Variants in GUCY1A2 observed in about 807,000 individuals in gnomAD.
GUCY1A2 encodes the protein guanylate cyclase soluble subunit alpha-2.
Under a neutral mutation model 63.5 loss-of-function variants are expected in GUCY1A2, and 27 were observed. The ratio of observed to expected loss-of-function variants is 0.43; its 90% CI spans 0.31 to 0.59. The LOEUF (loss-of-function observed/expected upper bound fraction) is 0.59, where lower values mean the gene tolerates loss of function less well. Ranked by LOEUF, GUCY1A2 falls within the 20% of genes least tolerant of loss-of-function variation. The pLI, the probability that GUCY1A2 is intolerant of heterozygous loss-of-function variation, is 0.11. For synonymous variants in GUCY1A2, 364 were observed against 343.5 expected (o/e 1.06, Z -0.66); for missense variants, 768 against 913.3 (o/e 0.84, Z 2.05).
intron 4 of GUCY1A2, among the ~76,000 whole-genome samples, chr11:106,895,853 C>T (rs923650714): frequency 1.3e-5 from 2 of 151,664 alleles, no homozygotes; most frequent in African/African-American, 2.4e-5. Flanking sequence ...AAATTATTAA[C>T]AAAATAGATT....
chr11:106,709,361 AATAT>A (rs1182765969), intron 6 of GUCY1A2, among the ~76,000 whole-genome samples: 5 of 89,854 alleles, frequency 5.6e-5, no homozygotes, highest in Non-Finnish European at 1.0e-4. Context: ...TATTTTATAT[AATAT>A]ATATAAATTA....
At chr11:106,804,855 T>C (rs913097378) in intron 5 of GUCY1A2, among the ~76,000 whole-genome samples, 1 of 152,196 alleles carries the variant, frequency 6.6e-6, no homozygotes, top group Non-Finnish European at 1.5e-5. Flanking sequence ...CCCATATTTA[T>C]ACTTTCTATC....
chr11:106,763,850 G>T (rs555607266), intron 6 of GUCY1A2, among the ~76,000 whole-genome samples: 1 of 151,890 alleles, frequency 6.6e-6, no homozygotes, highest in Admixed American at 6.6e-5. Flanking sequence ...AGTGCTTTTC[G>T]TTACGTAAAT....
At chr11:106,846,198 A>T (rs1429378539) in intron 4 of GUCY1A2, among the ~76,000 whole-genome samples, 1 of 143,996 alleles carries the variant, frequency 6.9e-6, no homozygotes, top group Non-Finnish European at 1.6e-5. Flanking sequence ...AATTGGGAAA[A>T]TGTGAATATA....
chr11:106,870,878 A>G (rs1859667839), intron 4 of GUCY1A2, among the ~76,000 whole-genome samples: 1 of 152,158 alleles, frequency 6.6e-6, no homozygotes, highest in South Asian at 2.1e-4. Context: ...ATTCAGTGCT[A>G]TGGAAAACTT....
At chr11:106,783,778 C>T (rs1864507924) in intron 5 of GUCY1A2, among the ~76,000 whole-genome samples, 2 of 152,168 alleles carry the variant, frequency 1.3e-5, no homozygotes, top group Non-Finnish European at 2.9e-5. Flanking sequence ...CTCTTTACCT[C>T]TTAATTGAGA....
intron 3 of GUCY1A2, among the ~76,000 whole-genome samples, chr11:106,958,609 T>C (rs1304028944): frequency 1.6e-5 from 1 of 61,350 alleles, no homozygotes; most frequent in East Asian, 1.2e-3. Context: ...AACTGTTTAA[T>C]ATAAAAAAAA....
chr11:106,919,444 T>C (rs1410247879), intron 4 of GUCY1A2, among the ~76,000 whole-genome samples: 3 of 152,164 alleles, frequency 2.0e-5, no homozygotes, highest in Non-Finnish European at 4.4e-5. Flanking sequence ...ATTGTGATAA[T>C]CATTTCATAA....
At chr11:106,721,259 A>G (rs1863311763) in intron 6 of GUCY1A2, among the ~76,000 whole-genome samples, 1 of 152,010 alleles carries the variant, frequency 6.6e-6, no homozygotes, top group Admixed American at 6.6e-5. Context: ...GGGTTTTGCC[A>G]TGTTTCCCAG....
intron 4 of GUCY1A2, among the ~76,000 whole-genome samples, chr11:106,853,439 G>A (rs1040944439): frequency 2.0e-5 from 3 of 151,784 alleles, no homozygotes; most frequent in Non-Finnish European, 2.9e-5. Context: ...CTAGTCTACT[G>A]TTGAAGATAT....
At chr11:106,822,573 G>A (rs769657972) in intron 4 of GUCY1A2, among the ~76,000 whole-genome samples, 6 of 152,074 alleles carry the variant, frequency 3.9e-5, no homozygotes, top group Non-Finnish European at 8.8e-5. Flanking sequence ...GCATCCATGT[G>A]TACTCAACGT....
chr11:106,914,608 T>C (rs1036149754), intron 4 of GUCY1A2, among the ~76,000 whole-genome samples: 3 of 150,060 alleles, frequency 2.0e-5, no homozygotes, highest in Admixed American at 1.3e-4. Context: ...AAAATAAAAA[T>C]AATAATCACA....
rs560862954 is a variant in GUCY1A2, at chr11:106,954,845, T to C, written c.488-14667A>G. Among the ~76,000 whole-genome samples, 14 of 152,308 alleles carry C rather than the reference T, an allele frequency of 9.2e-5. No homozygotes were observed. In the East Asian group the frequency reaches 2.7e-3, roughly 29 times the overall value. On this transcript the variant is annotated intron_variant, in intron 3 of 7. Transcript: ENST00000526355. ...AACCCCTGCTTTCTTGTTTTTTTCTTTCCATTTGCTTGGTAAATTTTCCTC... is the reference window on the plus strand; with the variant it reads ...AACCCCTGCTTTCTTGTTTTTTTCTCTCCATTTGCTTGGTAAATTTTCCTC...
At chr11:106,738,986 A>G (rs1332613038) in intron 6 of GUCY1A2, among the ~76,000 whole-genome samples, 1 of 152,136 alleles carries the variant, frequency 6.6e-6, no homozygotes, top group Non-Finnish European at 1.5e-5. Context: ...TTTGGGCAGT[A>G]TGGCCATTTT....
chr11:106,897,627 T>C (rs921111582), intron 4 of GUCY1A2, among the ~76,000 whole-genome samples: 2 of 151,650 alleles, frequency 1.3e-5, no homozygotes, highest in East Asian at 3.9e-4. Flanking sequence ...TTTCAACAAA[T>C]GGTGCTAGAA....
At chr11:107,000,127 T>C (rs1033684993) in intron 1 of GUCY1A2, among the ~76,000 whole-genome samples, 2 of 152,196 alleles carry the variant, frequency 1.3e-5, no homozygotes, top group Non-Finnish European at 2.9e-5. Context: ...AAATTGCAGG[T>C]ATACTTTTGG....
intron 6 of GUCY1A2, among the ~76,000 whole-genome samples, chr11:106,738,488 T>C (rs1217729370): frequency 1.3e-5 from 2 of 152,188 alleles, no homozygotes; most frequent in Non-Finnish European, 2.9e-5. Flanking sequence ...CTGAAGGGTA[T>C]TGCCTAGGTT....
At chr11:106,786,025 G>A (rs901808761) in intron 5 of GUCY1A2, among the ~76,000 whole-genome samples, 11 of 152,204 alleles carry the variant, frequency 7.2e-5, no homozygotes, top group Admixed American at 7.2e-4. Flanking sequence ...TGTTGAAAGT[G>A]CAGACTACAA....
At chr11:106,759,446 A>T (rs1864027808) in intron 6 of GUCY1A2, among the ~76,000 whole-genome samples, 1 of 152,178 alleles carries the variant, frequency 6.6e-6, no homozygotes, top group African/African-American at 2.4e-5. Context: ...CTAGATAAGA[A>T]GGTATTATGG....
Sources: allele counts gnomAD v4.1 joint callset (sites outside exome capture counted in the v4.1 genomes callset), GRCh38; gene constraint gnomAD v4.1.1; transcripts MANE v1.5; gene names NCBI Gene and HGNC (gene_info 2026-07-23, HGNC 2026-07-21).